MITF: variants seen among roughly 807,000 people sequenced by gnomAD.
MITF encodes the protein microphthalmia-associated transcription factor.
Under a neutral mutation model 60.5 loss-of-function variants are expected in MITF, and 17 were observed. The observed-to-expected ratio is 0.28, with a 90% CI of 0.19 to 0.42. MITF has a LOEUF of 0.42. Ranked by LOEUF, MITF falls within the 10% of genes least tolerant of loss-of-function variation. The pLI is 1.00. For synonymous variants in MITF, 260 were observed against 248.5 expected (o/e 1.05, Z -0.43); for missense variants, 622 against 683.5 (o/e 0.91, Z 1.00).
intron 2 of MITF, among the ~76,000 whole-genome samples, chr3:69,897,775 G>T (rs1250936904): frequency 6.6e-6 from 1 of 152,132 alleles, no homozygotes; most frequent in Non-Finnish European, 1.5e-5. Context: ...ATTTTGCATT[G>T]TGTCTAACAT....
At chr3:69,828,266 T>A (rs1331710584) in intron 1 of MITF, among the ~76,000 whole-genome samples, 1 of 152,200 alleles carries the variant, frequency 6.6e-6, no homozygotes, top group African/African-American at 2.4e-5. Context: ...AACGTTGTAT[T>A]TTAAGATGAA....
intron 1 of MITF, among the ~76,000 whole-genome samples, chr3:69,745,455 G>A (rs1337414925): frequency 5.3e-5 from 8 of 152,190 alleles, no homozygotes; most frequent in Admixed American, 5.2e-4. Context: ...ATTTAACAGA[G>A]GAAGGGGAAC....
In MITF at chr3:69,755,433, G is replaced by GTTTT. The variant is rs542141862; in HGVS notation, c.104+15767_104+15770dup. 4.2e-4 allele frequency among the ~76,000 whole-genome samples: 15 copies of GTTTT among 35,424 alleles called. 3 individuals carry two copies. The highest frequency in any genetic ancestry group is 1.9e-3 in the African/African-American group (14 of 7,256). 23.2% of individuals were successfully genotyped at this position (35,424 alleles called of 152,430 possible). ...ATCTTTGTATCTTTTACCCTTCTGG[G>GTTTT]TTTTTTTTTTTTTTTTTTTTTTTTT... On this transcript the variant is annotated intron_variant, in intron 1 of 9. Coordinates refer to ENST00000352241, the MANE Select transcript of MITF (RefSeq NM_001354604.2).
chr3:69,751,426 A>G (rs948103714), intron 1 of MITF, among the ~76,000 whole-genome samples: 11 of 152,190 alleles, frequency 7.2e-5, no homozygotes, highest in African/African-American at 2.7e-4. Context: ...CATGAAGTAC[A>G]GACTGTGAGA....
intron 2 of MITF, among the ~76,000 whole-genome samples, chr3:69,915,763 A>G (rs1318975838): frequency 6.6e-6 from 1 of 152,190 alleles, no homozygotes; most frequent in Non-Finnish European, 1.5e-5. Flanking sequence ...AGAGCAATGG[A>G]AGCCTGCTTC....
At chr3:69,943,159 C>T (rs1388542366) in intron 5 of MITF, among the ~76,000 whole-genome samples, 2 of 150,904 alleles carry the variant, frequency 1.3e-5, no homozygotes, top group Non-Finnish European at 2.9e-5. Context: ...ATCTTCCTCC[C>T]TCAAGTAGCT....
At chr3:69,912,156 A>G (rs1410578254) in intron 2 of MITF, among the ~76,000 whole-genome samples, 3 of 152,258 alleles carry the variant, frequency 2.0e-5, no homozygotes, top group African/African-American at 4.8e-5. Context: ...TGTATGGTCA[A>G]CAAGTATGTA....
At chr3:69,824,755 GGT>G (rs2063328869) in intron 1 of MITF, among the ~76,000 whole-genome samples, 1 of 152,186 alleles carries the variant, frequency 6.6e-6, no homozygotes, top group African/African-American at 2.4e-5. Context: ...AGCCGCACCT[GGT>G]AGCCAGCAGC....
At chr3:69,906,157 A>C (rs1285383777) in intron 2 of MITF, among the ~76,000 whole-genome samples, 1 of 152,174 alleles carries the variant, frequency 6.6e-6, no homozygotes, top group Non-Finnish European at 1.5e-5. Flanking sequence ...ACATGAATTG[A>C]AGGGTTTTTT....
intron 2 of MITF, among the ~76,000 whole-genome samples, chr3:69,937,364 A>AGG (rs1192200029): frequency 2.4e-5 from 3 of 126,918 alleles, no homozygotes; most frequent in Admixed American, 2.3e-4. Flanking sequence ...GTTCTTAAGG[A>AGG]GGTGTGTGTG....
At chr3:69,900,842 T>G (rs1007966708) in intron 2 of MITF, among the ~76,000 whole-genome samples, 3 of 152,180 alleles carry the variant, frequency 2.0e-5, no homozygotes, top group African/African-American at 7.2e-5. Flanking sequence ...TTTAGAGATA[T>G]TATGTACTTT....
chr3:69,937,229 GT>G (rs1304822736), intron 2 of MITF: 2 of 161,350 alleles, frequency 1.2e-5, no homozygotes, highest in African/African-American at 2.4e-5. Flanking sequence ...TTTATGTTGA[GT>G]TTTTTCTTAA....
intron 1 of MITF, among the ~76,000 whole-genome samples, chr3:69,819,479 G>A (rs541095308): frequency 1.3e-5 from 2 of 152,314 alleles, no homozygotes; most frequent in South Asian, 2.1e-4. Context: ...CAGATGGCCC[G>A]AAGTGTGGCT....
chr3:69,753,269 A>C (rs1704002613), intron 1 of MITF, among the ~76,000 whole-genome samples: 2 of 152,244 alleles, frequency 1.3e-5, no homozygotes, highest in Admixed American at 1.3e-4. Context: ...TAAGCCTGTA[A>C]GTGCACAGAG....
intron 1 of MITF, chr3:69,763,601 G>A (rs767898794): frequency 2.6e-5 from 32 of 1,208,588 alleles, no homozygotes; most frequent in Non-Finnish European, 2.9e-5. Flanking sequence ...TAAGCGTGTG[G>A]CAGAACGTCT....
intron 8 of MITF, among the ~76,000 whole-genome samples, chr3:69,958,328 G>A (rs2066450682): frequency 6.6e-6 from 1 of 152,158 alleles, no homozygotes; most frequent in African/African-American, 2.4e-5. Context: ...GGGTATCTCA[G>A]GACATTCCCC....
chr3:69,795,452 A>T (rs2062812232), intron 1 of MITF, among the ~76,000 whole-genome samples: 1 of 152,224 alleles, frequency 6.6e-6, no homozygotes, highest in Non-Finnish European at 1.5e-5. Flanking sequence ...TAGGCTGGGC[A>T]TAGCGGCTTA....
chr3:69,740,388 G>A lies in MITF; in HGVS notation c.104+687G>A, dbSNP rs1314333300. Among the ~76,000 whole-genome samples, 3 of 152,226 alleles carry A rather than the reference G, an allele frequency of 2.0e-5. No individual in the cohort carries two copies. The East Asian group carries it at 5.8e-4, about 29-fold the overall frequency. On this transcript the variant is annotated intron_variant, in intron 1 of 9. Transcript: ENST00000352241. The stretch of plus-strand genomic sequence containing the variant: ...TTCAAATCCAGGCCTTACCTGCAGA[G>A]GGGAAATGAGCCTTGGTCTTGGGGG...
chr3:69,953,610 T>A (rs1014175782), intron 7 of MITF, among the ~76,000 whole-genome samples: 14 of 137,438 alleles, frequency 1.0e-4, no homozygotes, highest in Non-Finnish European at 1.7e-4. Context: ...TGTATGTATA[T>A]GTATATATAT....
Sources: gnomAD v4.1 joint callset for allele counts (sites outside exome capture counted in the v4.1 genomes callset) on GRCh38, gnomAD v4.1.1 for gene constraint, MANE v1.5 for transcripts, NCBI Gene and HGNC (gene_info 2026-07-23, HGNC 2026-07-21) for gene names.